The following EIPR1 variants were observed in gnomAD, a reference collection of about 807,000 sequenced individuals.
The protein encoded by EIPR1 is EARP complex and GARP complex interacting protein 1, also known as EARP and GARP complex-interacting protein 1.
Under a neutral mutation model 48.1 loss-of-function variants are expected in EIPR1, and 25 were observed. The observed-to-expected ratio is 0.52, with a 90% CI of 0.38 to 0.73. The LOEUF is 0.73. Ranked by LOEUF, EIPR1 falls within the 30% of genes least tolerant of loss-of-function variation. The probability of loss-of-function intolerance (pLI) is 0.00; values close to 1 mark genes in which losing one functional copy is unlikely to be tolerated. For missense variants in EIPR1, 415 were observed against 506.2 expected, an observed-to-expected ratio of 0.82 and a Z score of 1.73; for synonymous variants, 204 against 201.9, an observed-to-expected ratio of 1.01 and a Z score of -0.09.
intron 4 of EIPR1, among the ~76,000 whole-genome samples, chr2:3,225,792 C>G (rs938861166): frequency 6.6e-6 from 1 of 152,130 alleles, no homozygotes; most frequent in Non-Finnish European, 1.5e-5. Flanking sequence ...CAGCACCTCC[C>G]ACTTTCCAAC....
At chr2:3,295,152 G>A (rs1668512776) in intron 3 of EIPR1, among the ~76,000 whole-genome samples, 1 of 113,866 alleles carries the variant, frequency 8.8e-6, no homozygotes, top group African/African-American at 3.5e-5. Context: ...CATCCGGCAT[G>A]TCCTTTCTAC....
At chr2:3,283,374 C>T (rs1050740043) in intron 3 of EIPR1, among the ~76,000 whole-genome samples, 1 of 152,224 alleles carries the variant, frequency 6.6e-6, no homozygotes, top group Non-Finnish European at 1.5e-5. Flanking sequence ...AACCACCAGG[C>T]CCACCTCCTG....
In EIPR1 at chr2:3,201,591, A is replaced by G. The variant is rs1305617867; in HGVS notation, c.517-4574T>C. Among the ~76,000 whole-genome samples, 4 of 152,256 alleles carry G rather than the reference A, an allele frequency of 2.6e-5. No individual in the cohort carries two copies. The East Asian group carries it at 7.7e-4, about 29-fold the overall frequency. The stretch of plus-strand genomic sequence containing the variant: ...TGGCTCCCACAGCAAGCTCCAAGGA[A>G]CCATATAGTGTGCAGGGTGACACAC... On this transcript the variant is annotated intron_variant, in intron 5 of 8. Coordinates refer to ENST00000382125, the MANE Select transcript of EIPR1 (RefSeq NM_003310.5).
intron 3 of EIPR1, among the ~76,000 whole-genome samples, chr2:3,307,160 C>T (rs1031500298): frequency 1.3e-5 from 2 of 152,058 alleles, no homozygotes; most frequent in African/African-American, 4.8e-5. Flanking sequence ...TGGGGTTCTA[C>T]CATGTTGGAC....
At chr2:3,346,673 G>A (rs1162658567) in intron 2 of EIPR1, among the ~76,000 whole-genome samples, 2 of 152,110 alleles carry the variant, frequency 1.3e-5, no homozygotes, top group African/African-American at 2.4e-5. Flanking sequence ...CACAAAGACA[G>A]ACAAGACTAG....
At chr2:3,266,016 G>A (rs924300865) in intron 3 of EIPR1, among the ~76,000 whole-genome samples, 1 of 152,206 alleles carries the variant, frequency 6.6e-6, no homozygotes, top group Non-Finnish European at 1.5e-5. Flanking sequence ...CCCTTAATGA[G>A]ATAAAGAGAT....
chr2:3,255,620 A>C (rs1358885478), intron 4 of EIPR1, among the ~76,000 whole-genome samples: 1 of 152,222 alleles, frequency 6.6e-6, no homozygotes, highest in Non-Finnish European at 1.5e-5. Flanking sequence ...GTTGAGAAGC[A>C]GTCTGACAGC....
At chr2:3,362,618 C>A (rs1296833296) in intron 1 of EIPR1, among the ~76,000 whole-genome samples, 1 of 149,728 alleles carries the variant, frequency 6.7e-6, no homozygotes, top group Non-Finnish European at 1.5e-5. Flanking sequence ...CCACTGCACT[C>A]CAGCCTGGGT....
chr2:3,365,997 C>G, intron 1 of EIPR1, among the ~76,000 whole-genome samples: 1 of 42,802 alleles, frequency 2.3e-5, no homozygotes, highest in East Asian at 2.6e-4. Context: ...CCAGCCACCC[C>G]GTCCGAGAGA....
At chr2:3,272,749 C>T (rs747745381) in intron 3 of EIPR1, among the ~76,000 whole-genome samples, 7 of 152,120 alleles carry the variant, frequency 4.6e-5, no homozygotes, top group South Asian at 2.1e-4. Flanking sequence ...CAGAGTGGGA[C>T]GTGCTGTTAA....
At chr2:3,265,197 G>A (rs532449979) in intron 3 of EIPR1, among the ~76,000 whole-genome samples, 1 of 66,122 alleles carries the variant, frequency 1.5e-5, no homozygotes, top group African/African-American at 6.4e-5. Flanking sequence ...TTAGAGGGGT[G>A]TGCAGGCAGG....
At chr2:3,284,730 C>T (rs189834622) in intron 3 of EIPR1, among the ~76,000 whole-genome samples, 2 of 152,240 alleles carry the variant, frequency 1.3e-5, no homozygotes, top group Admixed American at 6.5e-5. Flanking sequence ...CTCGAGTCTG[C>T]CCAACTCCAA....
chr2:3,205,425 C>T (rs917524961), intron 5 of EIPR1, among the ~76,000 whole-genome samples: 4 of 152,148 alleles, frequency 2.6e-5, no homozygotes, highest in African/African-American at 9.7e-5. Context: ...GGAACTGCTG[C>T]AGCTGCCTTG....
At chr2:3,317,455 C>T (rs1044853865) in intron 3 of EIPR1, among the ~76,000 whole-genome samples, 26 of 152,120 alleles carry the variant, frequency 1.7e-4, no homozygotes, top group African/African-American at 5.3e-4. Context: ...AGGCACTGAC[C>T]GAGCTGAGGG....
intron 3 of EIPR1, among the ~76,000 whole-genome samples, chr2:3,306,840 C>A (rs1185243662): frequency 6.6e-6 from 1 of 152,116 alleles, no homozygotes; most frequent in South Asian, 2.1e-4. Context: ...CCAGTCCAAA[C>A]CCATGTTGTT....
intron 4 of EIPR1, among the ~76,000 whole-genome samples, chr2:3,230,984 G>C (rs1430480111): frequency 6.6e-6 from 1 of 152,200 alleles, no homozygotes; most frequent in Non-Finnish European, 1.5e-5. Context: ...CATGAACACT[G>C]AACATCTTTC....
chr2:3,217,043 T>C (rs1665662493), intron 4 of EIPR1, among the ~76,000 whole-genome samples: 2 of 152,186 alleles, frequency 1.3e-5, no homozygotes, highest in South Asian at 4.1e-4. Flanking sequence ...CCAACCTGTG[T>C]CACCATCTGG....
chr2:3,369,242 T>G (rs982353187), intron 1 of EIPR1, among the ~76,000 whole-genome samples: 2 of 152,134 alleles, frequency 1.3e-5, no homozygotes, highest in African/African-American at 4.8e-5. Flanking sequence ...GAAAATAATA[T>G]TTCAGGGAGG....
At chr2:3,234,257 T>C (rs372798050) in intron 4 of EIPR1, among the ~76,000 whole-genome samples, 1 of 152,260 alleles carries the variant, frequency 6.6e-6, no homozygotes, top group Non-Finnish European at 1.5e-5. Context: ...TCAATGTCAC[T>C]GGCTGAAAAT....
Sources: gnomAD v4.1 joint callset for allele counts (sites outside exome capture counted in the v4.1 genomes callset) on GRCh38, gnomAD v4.1.1 for gene constraint, MANE v1.5 for transcripts, NCBI Gene and HGNC (gene_info 2026-07-23, HGNC 2026-07-21) for gene names.